PTPRC: variants seen among roughly 807,000 people sequenced by gnomAD.
PTPRC encodes protein tyrosine phosphatase receptor type C.
In PTPRC, 44 loss-of-function variants were observed where a neutral mutation model predicts 155.9. That is an observed-to-expected ratio of 0.28 (90% CI 0.22 to 0.36). The LOEUF (loss-of-function observed/expected upper bound fraction) is 0.36. Among genes scored for constraint, PTPRC ranks in the 10% least tolerant of loss-of-function variants. PTPRC has a pLI of 1.00. For synonymous variants in PTPRC, 525 were observed against 533.1 expected (o/e 0.98, Z 0.21); for missense variants, 1,401 against 1,564.6 (o/e 0.90, Z 1.76).
At chr1:198,651,841 G>C (rs776226543) in intron 2 of PTPRC, among the ~76,000 whole-genome samples, 1 of 151,664 alleles carries the variant, frequency 6.6e-6, no homozygotes. Context: ...GAGAAAGAAG[G>C]GGTCAGGAAA....
intron 2 of PTPRC, among the ~76,000 whole-genome samples, chr1:198,683,332 C>A (rs1004546434): frequency 1.3e-5 from 2 of 152,076 alleles, no homozygotes; most frequent in Non-Finnish European, 2.9e-5. Context: ...ATTCTTTGTT[C>A]TTTAATGATG....
chr1:198,673,305 A>C (rs1664753620), intron 2 of PTPRC, among the ~76,000 whole-genome samples: 1 of 152,204 alleles, frequency 6.6e-6, no homozygotes, highest in South Asian at 2.1e-4. Flanking sequence ...TAATTAAAAA[A>C]TACTGTGTGG....
chr1:198,754,815 A>G (rs1011005268), intron 32 of PTPRC, among the ~76,000 whole-genome samples: 4 of 152,088 alleles, frequency 2.6e-5, no homozygotes, highest in Admixed American at 2.0e-4. Context: ...TGGTGCCCTC[A>G]GGCTCAGGCA....
At chr1:198,705,079 G>T (rs12070602) in intron 8 of PTPRC, among the ~76,000 whole-genome samples, 1,799 of 152,122 alleles carry the variant, frequency 0.012, 29 homozygotes, top group African/African-American at 0.042. Flanking sequence ...TTGCTTGTTA[G>T]GGGCTGGCTC....
intron 2 of PTPRC, among the ~76,000 whole-genome samples, chr1:198,664,338 G>A (rs1359262947): frequency 6.6e-6 from 1 of 152,102 alleles, no homozygotes; most frequent in African/African-American, 2.4e-5. Flanking sequence ...GCAGCAAAAC[G>A]AATTATTTCG....
intron 3 of PTPRC, among the ~76,000 whole-genome samples, chr1:198,696,183 T>G (rs182235323): frequency 0.013 from 1,938 of 149,718 alleles, 38 homozygotes; most frequent in African/African-American, 0.044. Flanking sequence ...TATATATATA[T>G]ATAGATAGAT....
chr1:198,718,295 C>T lies in PTPRC; in HGVS notation c.1652C>T (p.Thr551Ile), dbSNP rs141736078. The change falls in exon 14 of 33, where the codon ACT becomes ATT. Residue 551 changes from threonine to isoleucine, a missense_variant. Physicochemically the swap from Thr to Ile is moderately conservative, Grantham distance 89. Around this residue, in one of 3 missense-constraint regions of PTPRC, gnomAD observed 867 missense variants for 970.4 expected, o/e 0.89. Coordinates refer to ENST00000442510, the MANE Select transcript of PTPRC (RefSeq NM_002838.5). ...VKDLQYSTDY[T>I]FKAYFHNGDY... ...GATCTTCAATATTCAACAGACTACA[C>T]TTTTAAGGTAAAAGTATGCTCTCTA... 3 of 1,610,548 alleles carry T rather than the reference C, an allele frequency of 1.9e-6. No individual in the cohort carries two copies. Among genetic ancestry groups the T allele is most frequent in the South Asian group, 2.2e-5 (2 of 90,872 alleles).
intron 5 of PTPRC, among the ~76,000 whole-genome samples, chr1:198,702,134 T>C (rs1270538131): frequency 1.3e-5 from 2 of 152,232 alleles, no homozygotes; most frequent in Admixed American, 6.5e-5. Flanking sequence ...GTCCAAACTA[T>C]ATATTTTTTT....
intron 23 of PTPRC, 75 bp downstream of exon 23, chr1:198,735,327 GA>G (rs1654584928): frequency 1.6e-6 from 2 of 1,275,246 alleles, no homozygotes; most frequent in Admixed American, 2.1e-5. Context: ...TTAAAAGTGA[GA>G]AAATAAAATA....
At chr1:198,737,218 G>A (rs567162932) in intron 23 of PTPRC, among the ~76,000 whole-genome samples, 7 of 151,616 alleles carry the variant, frequency 4.6e-5, no homozygotes, top group African/African-American at 1.7e-4. Context: ...GTTCATTTTT[G>A]CTATGGTTGC....
intron 26 of PTPRC, among the ~76,000 whole-genome samples, chr1:198,745,275 G>C (rs1490731953): frequency 6.6e-6 from 1 of 151,784 alleles, no homozygotes; most frequent in Non-Finnish European, 1.5e-5. Flanking sequence ...AAGTGGACAT[G>C]GGAAGAAGGA....
chr1:198,722,477 G>GT lies in PTPRC; in HGVS notation c.1720+2dup. On this transcript the variant is annotated splice_donor_variant, in intron 15 of 32. Coordinates refer to ENST00000442510, the MANE Select transcript of PTPRC (RefSeq NM_002838.5). LOFTEE classifies it high-confidence loss of function. Reference sequence around the variant, plus strand: ...TTTATTTTACATCATTCAACATCTTGTAAGTTATCACTGGGCTATTTATTA... The same window carrying GT: ...TTTATTTTACATCATTCAACATCTTGTTAAGTTATCACTGGGCTATTTATTA... The GT allele has an allele frequency of 6.9e-7, 1 of 1,450,060 alleles. No individual in the cohort carries two copies. The highest frequency in any genetic ancestry group is 9.2e-7 in the Non-Finnish European group (1 of 1,089,806). The allele number at this position is 1,450,060 out of a possible 1,614,324, so 89.8% of individuals were successfully genotyped here.
Position 198,665,278 on chromosome 1 carries a change from ATTC to A in PTPRC, c.73+25940_73+25942del, listed in dbSNP as rs1374112398. 9.6e-5 allele frequency among the ~76,000 whole-genome samples: 14 copies of A among 145,808 alleles called. No homozygotes were observed. The East Asian group carries it at 2.8e-3, about 29-fold the overall frequency. On this transcript the variant is annotated intron_variant, in intron 2 of 32. Transcript: ENST00000442510. ...CTAATTTTTCTTTTTTTTTTTTTGT[ATTC>A]TTAGTAGAGACGGGGTTTCACCGCC...
chr1:198,752,672 T>C lies in PTPRC; in HGVS notation c.3409T>C (p.Leu1137=), dbSNP rs111563087. ...GCAGCTTCCTGCAGAACCCAAGGAATTAATCTCTATGATTCAGGTCGTCAA... is the reference window on the plus strand; with the variant it reads ...GCAGCTTCCTGCAGAACCCAAGGAACTAATCTCTATGATTCAGGTCGTCAA... The part of the protein sequence containing the change: ...VEQLPAEPKE[L]ISMIQVVKQK... The change falls in exon 31 of 33, where the codon TTA becomes CTA. Residue 1137 remains leucine, a synonymous_variant. Coordinates refer to ENST00000442510, the MANE Select transcript of PTPRC (RefSeq NM_002838.5). The C allele has an allele frequency of 9.9e-6, 16 of 1,612,826 alleles. No homozygotes were observed. Among genetic ancestry groups the C allele is most frequent in the African/African-American group, 6.7e-5 (5 of 74,942 alleles).
intron 2 of PTPRC, among the ~76,000 whole-genome samples, chr1:198,670,151 A>G (rs74134780): frequency 0.16 from 24,538 of 152,032 alleles, 2,090 homozygotes; most frequent in South Asian, 0.18. Context: ...TGAAACATAG[A>G]CCTGGTATAG....
chr1:198,677,297 A>T (rs1004671085), intron 2 of PTPRC, among the ~76,000 whole-genome samples: 6 of 152,182 alleles, frequency 3.9e-5, no homozygotes, highest in Non-Finnish European at 7.3e-5. Flanking sequence ...CCTGGGGATA[A>T]TGTTAAAACT....
intron 2 of PTPRC, among the ~76,000 whole-genome samples, chr1:198,666,626 CTT>C (rs1163544252): frequency 5.9e-5 from 9 of 152,254 alleles, no homozygotes; most frequent in African/African-American, 1.9e-4. Context: ...GATGAACAGA[CTT>C]TTATTCTGGC....
At chr1:198,639,027 TA>T (rs1662420702), upstream of PTPRC, 1 of 494,364 alleles carries the variant, frequency 2.0e-6, no homozygotes, top group South Asian at 2.6e-5. Flanking sequence ...GAGAAGTTAG[TA>T]AAACCGAATC....
At chr1:198,723,744 G>A (rs1654001847) in intron 15 of PTPRC, among the ~76,000 whole-genome samples, 1 of 152,172 alleles carries the variant, frequency 6.6e-6, no homozygotes, top group Admixed American at 6.5e-5. Context: ...CTGGCAGTGG[G>A]AATCCTTGCA....
Sources: allele counts gnomAD v4.1 joint callset (sites outside exome capture counted in the v4.1 genomes callset), GRCh38; gene constraint gnomAD v4.1.1; regional missense constraint gnomAD v4.1.1; transcripts MANE v1.5; gene names NCBI Gene and HGNC (gene_info 2026-07-23, HGNC 2026-07-21).